B3GALT1: variants seen among roughly 807,000 people sequenced by gnomAD.
B3GALT1 encodes beta-1,3-galactosyltransferase 1.
B3GALT1 carries 10 observed loss-of-function variants against 23.2 expected under a neutral mutation model. The ratio of observed to expected loss-of-function variants is 0.43; its 90% CI spans 0.27 to 0.73. The LOEUF (loss-of-function observed/expected upper bound fraction) is 0.73, where lower values mean the gene tolerates loss of function less well. B3GALT1 is among the 30% of genes least tolerant of loss of function. B3GALT1 has a pLI of 0.21. For missense variants in B3GALT1, 299 were observed against 405.4 expected (o/e 0.74, Z 2.25); for synonymous variants, 156 against 141.5 (o/e 1.10, Z -0.73).
intron 3 of B3GALT1, among the ~76,000 whole-genome samples, chr2:167,666,772 C>A (rs1686199179): frequency 6.6e-6 from 1 of 152,038 alleles, no homozygotes; most frequent in Non-Finnish European, 1.5e-5. Context: ...AGGTTTGCAA[C>A]CCCTGCCTTT....
intron 2 of B3GALT1, among the ~76,000 whole-genome samples, chr2:167,524,106 C>T (rs1683182255): frequency 6.6e-6 from 1 of 152,112 alleles, no homozygotes; most frequent in African/African-American, 2.4e-5. Context: ...CAGAGTTTAT[C>T]TTTATCCTTA....
intron 2 of B3GALT1, among the ~76,000 whole-genome samples, chr2:167,622,717 G>T (rs1441958892): frequency 1.3e-5 from 2 of 152,030 alleles, no homozygotes; most frequent in Non-Finnish European, 2.9e-5. Context: ...CAGCTTCAAT[G>T]AACTAAAAAA....
chr2:167,409,636 T>C (rs539430928), intron 1 of B3GALT1, among the ~76,000 whole-genome samples: 2 of 152,198 alleles, frequency 1.3e-5, no homozygotes, highest in African/African-American at 4.8e-5. Flanking sequence ...CTGGTTATTC[T>C]AGTTAGCAGT....
intron 3 of B3GALT1, among the ~76,000 whole-genome samples, chr2:167,818,455 A>T (rs939347820): frequency 2.6e-5 from 4 of 152,182 alleles, no homozygotes; most frequent in African/African-American, 7.2e-5. Context: ...CTGAGTTTGT[A>T]ATCCTAGTAC....
intron 4 of B3GALT1, among the ~76,000 whole-genome samples, chr2:167,836,978 G>A (rs1488673661): frequency 1.3e-5 from 2 of 152,172 alleles, no homozygotes; most frequent in African/African-American, 4.8e-5. Context: ...AGCAAATGCT[G>A]AGAGATTTTG....
intron 3 of B3GALT1, among the ~76,000 whole-genome samples, chr2:167,704,183 C>CAAAAA (rs5836157): frequency 8.9e-5 from 10 of 112,868 alleles, no homozygotes; most frequent in Non-Finnish European, 1.2e-4. Flanking sequence ...TCAGTCTCAA[C>CAAAAA]AAAAAAAAAA....
intron 1 of B3GALT1, among the ~76,000 whole-genome samples, chr2:167,336,895 A>T (rs939415368): frequency 6.6e-6 from 1 of 152,272 alleles, no homozygotes; most frequent in African/African-American, 2.4e-5. Flanking sequence ...TTGTAATTTC[A>T]GTTTGTAGCC....
intron 3 of B3GALT1, among the ~76,000 whole-genome samples, chr2:167,812,187 T>G (rs1019590181): frequency 2.6e-5 from 4 of 152,230 alleles, no homozygotes; most frequent in Non-Finnish European, 5.9e-5. Context: ...TCAAATTCCA[T>G]GAGCTTACAA....
At chr2:167,713,562 A>G (rs925548004) in intron 3 of B3GALT1, 3 of 776,812 alleles carry the variant, frequency 3.9e-6, no homozygotes, top group Non-Finnish European at 6.4e-6. Context: ...TTAAACTTCA[A>G]TTTGAGAAAA....
intron 2 of B3GALT1, among the ~76,000 whole-genome samples, chr2:167,544,726 C>T (rs1232809046): frequency 3.3e-5 from 5 of 152,194 alleles, no homozygotes; most frequent in Non-Finnish European, 5.9e-5. Flanking sequence ...AGATTGCCAA[C>T]TCCGCCGACG....
intron 3 of B3GALT1, chr2:167,714,627 C>T: frequency 1.9e-6 from 3 of 1,613,698 alleles, no homozygotes; most frequent in Non-Finnish European, 2.5e-6. Context: ...TGAGCATTTT[C>T]TTTCCTTAAA....
chr2:167,481,547 C>T (rs1699563765), intron 1 of B3GALT1, among the ~76,000 whole-genome samples: 1 of 152,220 alleles, frequency 6.6e-6, no homozygotes, highest in Admixed American at 6.5e-5. Context: ...CACGGCCATG[C>T]TGTCTTGGTA....
intron 1 of B3GALT1, among the ~76,000 whole-genome samples, chr2:167,379,815 G>A (rs1046568064): frequency 2.6e-5 from 4 of 152,206 alleles, no homozygotes; most frequent in East Asian, 1.9e-4. Flanking sequence ...AGAGGTGTGC[G>A]TAGGCATAGA....
intron 3 of B3GALT1, among the ~76,000 whole-genome samples, chr2:167,740,980 CA>C (rs1687569387): frequency 6.6e-6 from 1 of 152,136 alleles, no homozygotes; most frequent in African/African-American, 2.4e-5. Flanking sequence ...GTCATTGATT[CA>C]GGGGTAAGCA....
intron 1 of B3GALT1, among the ~76,000 whole-genome samples, chr2:167,398,718 A>G (rs1698139466): frequency 6.6e-6 from 1 of 152,146 alleles, no homozygotes; most frequent in South Asian, 2.1e-4. Flanking sequence ...TGCTCAGAGT[A>G]TCATTCACTG....
intron 1 of B3GALT1, among the ~76,000 whole-genome samples, chr2:167,410,114 A>G (rs1468947494): frequency 2.6e-5 from 4 of 152,180 alleles, no homozygotes; most frequent in Admixed American, 6.5e-5. Context: ...GAATGAGTTC[A>G]TGTCCTTTGC....
At chr2:167,593,041 A>G (rs1208772572) in intron 2 of B3GALT1, among the ~76,000 whole-genome samples, 1 of 152,236 alleles carries the variant, frequency 6.6e-6, no homozygotes, top group African/African-American at 2.4e-5. Flanking sequence ...CAGATAGTGT[A>G]TAACTAGCAT....
At chr2:167,679,396 G>A (rs563722873) in intron 3 of B3GALT1, among the ~76,000 whole-genome samples, 34 of 152,212 alleles carry the variant, frequency 2.2e-4, no homozygotes, top group African/African-American at 7.9e-4. Context: ...TGGGATTACA[G>A]GCATGTGCCA....
At chr2:167,557,657 A>G (rs546702418) in intron 2 of B3GALT1, among the ~76,000 whole-genome samples, 2 of 152,280 alleles carry the variant, frequency 1.3e-5, no homozygotes, top group South Asian at 4.1e-4. Context: ...CCATCCCACA[A>G]TCCTCAAATG....
Sources: gnomAD v4.1 joint callset for allele counts (sites outside exome capture counted in the v4.1 genomes callset) on GRCh38, gnomAD v4.1.1 for gene constraint, MANE v1.5 for transcripts, NCBI Gene and HGNC (gene_info 2026-07-23, HGNC 2026-07-21) for gene names.